LIPC: variants seen among roughly 807,000 people sequenced by gnomAD.
The protein encoded by LIPC is hepatic triacylglycerol lipase.
Under a neutral mutation model 50.7 loss-of-function variants are expected in LIPC, and 44 were observed. The ratio of observed to expected loss-of-function variants is 0.87; its 90% CI spans 0.68 to 1.11. The LOEUF (loss-of-function observed/expected upper bound fraction) is 1.11, where lower values mean the gene tolerates loss of function less well. LIPC is among the 50% of genes most tolerant of loss of function. The pLI, the probability that LIPC is intolerant of heterozygous loss-of-function variation, is 0.00. For synonymous variants in LIPC, 271 were observed against 256.4 expected (o/e 1.06, Z -0.54); for missense variants, 697 against 648.2 (o/e 1.08, Z -0.82).
chr15:58,563,163 C>T (rs952591781), intron 7 of LIPC, among the ~76,000 whole-genome samples: 18 of 152,262 alleles, frequency 1.2e-4, no homozygotes, highest in Middle Eastern at 3.4e-3. Context: ...GCTGAACTGT[C>T]CAGACGCCGT....
intron 1 of LIPC, among the ~76,000 whole-genome samples, chr15:58,478,302 A>C (rs771985428): frequency 6.6e-6 from 1 of 152,174 alleles, no homozygotes; most frequent in Non-Finnish European, 1.5e-5. Context: ...GCAGTGGCAT[A>C]ATCTCGGCTC....
At chr15:58,462,484 C>A (rs770080581) in intron 1 of LIPC, among the ~76,000 whole-genome samples, 1 of 152,194 alleles carries the variant, frequency 6.6e-6, no homozygotes, top group Non-Finnish European at 1.5e-5. Flanking sequence ...TTCTGCCCTG[C>A]CCTTAATCCA....
At chr15:58,460,039 G>A (rs992024029) in intron 1 of LIPC, among the ~76,000 whole-genome samples, 1 of 152,200 alleles carries the variant, frequency 6.6e-6, no homozygotes, top group Admixed American at 6.5e-5. Context: ...AGGCTGTATG[G>A]GTCCCGTACT....
At chr15:58,468,530 C>T (rs1169733210) in intron 1 of LIPC, among the ~76,000 whole-genome samples, 1 of 152,124 alleles carries the variant, frequency 6.6e-6, no homozygotes, top group Non-Finnish European at 1.5e-5. Flanking sequence ...CTAGCCCTGC[C>T]GCCCACTCGA....
intron 8 of LIPC, 146 bp downstream of exon 8, chr15:58,563,869 G>A: frequency 2.6e-6 from 2 of 758,072 alleles, no homozygotes; most frequent in African/African-American, 1.7e-5. Flanking sequence ...AAGGTGAAGT[G>A]ACTATCCCAA....
At chr15:58,540,981 T>G (rs546848936) in intron 2 of LIPC, among the ~76,000 whole-genome samples, 6 of 152,078 alleles carry the variant, frequency 3.9e-5, no homozygotes, top group African/African-American at 1.4e-4. Flanking sequence ...TTGTATTTTT[T>G]GTGGAGATGG....
intron 1 of LIPC, among the ~76,000 whole-genome samples, chr15:58,453,409 C>T (rs567035299): frequency 1.7e-4 from 26 of 152,214 alleles, no homozygotes; most frequent in African/African-American, 6.0e-4. Context: ...TCTAATCGGT[C>T]CCCCAACTTG....
At chr15:58,529,835 T>C (rs1281057229) in intron 1 of LIPC, among the ~76,000 whole-genome samples, 1 of 152,186 alleles carries the variant, frequency 6.6e-6, no homozygotes, top group Non-Finnish European at 1.5e-5. Context: ...AACTGTGACA[T>C]AAGGAAGGTA....
chr15:58,508,277 G>A (rs1332399636), intron 1 of LIPC, among the ~76,000 whole-genome samples: 1 of 152,020 alleles, frequency 6.6e-6, no homozygotes, highest in Non-Finnish European at 1.5e-5. Flanking sequence ...AGACCCTGAG[G>A]CTCTTCTTAT....
intron 4 of LIPC, 89 bp from the exon 5 acceptor site, chr15:58,545,652 TG>T (rs751600701): frequency 9.3e-7 from 1 of 1,076,482 alleles, no homozygotes; most frequent in Non-Finnish European, 1.4e-6. Context: ...GCTAGTTCAC[TG>T]ATGTATAATA....
chr15:58,483,091 T>C (rs1374654324), intron 1 of LIPC, among the ~76,000 whole-genome samples: 1 of 152,184 alleles, frequency 6.6e-6, no homozygotes, highest in Non-Finnish European at 1.5e-5. Context: ...TAAAATGACA[T>C]GGGTATAGAA....
intron 1 of LIPC, among the ~76,000 whole-genome samples, chr15:58,537,287 G>C (rs1487085025): frequency 1.3e-5 from 2 of 152,216 alleles, no homozygotes; most frequent in African/African-American, 4.8e-5. Context: ...CGGGCTGCCT[G>C]GCAGAGTTGG....
chr15:58,440,320 T>C lies in LIPC; in HGVS notation c.88+8200T>C, dbSNP rs926242482. Among the ~76,000 whole-genome samples the C allele has an allele frequency of 7.2e-5, 11 of 152,216 alleles. No homozygotes were observed. In the East Asian group the frequency reaches 9.6e-4, roughly 13 times the overall value. On this transcript the variant is annotated intron_variant, in intron 1 of 8. Coordinates refer to ENST00000299022, the MANE Select transcript of LIPC (RefSeq NM_000236.3). ...CATTATCAAAGCAGGGCAGAGCCTATGGGTTATCCGTTGACTAGGACTGAC... is the reference window on the plus strand; with the variant it reads ...CATTATCAAAGCAGGGCAGAGCCTACGGGTTATCCGTTGACTAGGACTGAC...
At chr15:58,496,396 G>C (rs1402079967) in intron 1 of LIPC, among the ~76,000 whole-genome samples, 1 of 152,140 alleles carries the variant, frequency 6.6e-6, no homozygotes, top group African/African-American at 2.4e-5. Context: ...GTCATCTACA[G>C]TTGGACACCT....
intron 6 of LIPC, among the ~76,000 whole-genome samples, chr15:58,557,091 T>C (rs1322234529): frequency 2.0e-5 from 3 of 152,218 alleles, no homozygotes; most frequent in Non-Finnish European, 2.9e-5. Context: ...AATTCAACTT[T>C]TTCCTTAGAA....
At chr15:58,519,410 C>CAAAA (rs11432168) in intron 1 of LIPC, among the ~76,000 whole-genome samples, 1 of 131,872 alleles carries the variant, frequency 7.6e-6, no homozygotes, top group Non-Finnish European at 1.6e-5. Flanking sequence ...GACTCTGTCT[C>CAAAA]AAAAAAAAAA....
At chr15:58,466,771 C>A (rs1214720448) in intron 1 of LIPC, among the ~76,000 whole-genome samples, 1 of 152,206 alleles carries the variant, frequency 6.6e-6, no homozygotes, top group Non-Finnish European at 1.5e-5. Flanking sequence ...GTCAGCTGAG[C>A]ATTTTACCTC....
chr15:58,461,730 A>C (rs561027980), intron 1 of LIPC, among the ~76,000 whole-genome samples: 1 of 151,814 alleles, frequency 6.6e-6, no homozygotes, highest in East Asian at 1.9e-4. Context: ...CTATGTTCTT[A>C]ATCCCCGTGC....
intron 1 of LIPC, among the ~76,000 whole-genome samples, chr15:58,443,377 C>T (rs1009474052): frequency 3.3e-5 from 5 of 152,188 alleles, no homozygotes; most frequent in Admixed American, 6.5e-5. Context: ...CCCTGGACCC[C>T]TCACATCTCA....
Sources: allele counts gnomAD v4.1 joint callset (sites outside exome capture counted in the v4.1 genomes callset), GRCh38; gene constraint gnomAD v4.1.1; transcripts MANE v1.5; gene names NCBI Gene and HGNC (gene_info 2026-07-23, HGNC 2026-07-21).